The following ACER1 variants were observed in gnomAD, a reference collection of about 807,000 sequenced individuals.
ACER1 encodes the protein CTB-180A7.3.
Under a neutral mutation model 24.9 loss-of-function variants are expected in ACER1, and 28 were observed. That is an observed-to-expected ratio of 1.13 (90% CI 0.83 to 1.54). The LOEUF (loss-of-function observed/expected upper bound fraction) is 1.54, where lower values mean the gene tolerates loss of function less well. Among genes scored for constraint, ACER1 ranks in the 40% most tolerant of loss-of-function variants. The pLI is 0.00. For synonymous variants in ACER1, 132 were observed against 131.4 expected, an observed-to-expected ratio of 1.00 and a Z score of -0.03; for missense variants, 352 against 349.3, an observed-to-expected ratio of 1.01 and a Z score of -0.06.
At chr19:6,333,378 T>C in intron 1 of ACER1, 81 bp downstream of exon 1, 1 of 1,196,668 alleles carries the variant, frequency 8.4e-7, no homozygotes. Context: ...TCCAGCAAGA[T>C]TCCCCAGTAA....
chr19:6,345,064 A>T, the ACER1 span, among the ~76,000 whole-genome samples: 2 of 151,866 alleles, frequency 1.3e-5, no homozygotes, highest in Non-Finnish European at 2.9e-5. Context: ...ACGGGGTTTC[A>T]CCACGTTGGC....
rs1228594931 is a variant in ACER1 at position 6,309,819 on chromosome 19, G to A, written c.366C>T (p.Arg122=). 2 of 1,613,960 alleles carry A rather than the reference G, an allele frequency of 1.2e-6. No individual in the cohort carries two copies. Among genetic ancestry groups the A allele is most frequent in the Non-Finnish European group, 1.7e-6 (2 of 1,179,986 alleles). ...TGACCACAGTGGTGATGAAGACCAG[G>A]CGGATGAACTGGGACCTGGGGAGGA... ...FLGGNRSQFI[R]LVFITTVVST... is the part of the protein sequence containing the mutation. Residue 122 remains arginine (R), a synonymous_variant, in exon 4 of 6, where the codon CGC becomes CGT. Transcript: ENST00000301452.
the ACER1 span, among the ~76,000 whole-genome samples, chr19:6,347,109 A>ATAT: frequency 7.9e-3 from 894 of 113,702 alleles, 7 homozygotes; most frequent in Non-Finnish European, 0.01. Context: ...AAAAAAAAAA[A>ATAT]ATATATATAT....
At chr19:6,349,433 G>A in the ACER1 span, among the ~76,000 whole-genome samples, 5 of 122,678 alleles carry the variant, frequency 4.1e-5, no homozygotes, top group African/African-American at 1.6e-4. Flanking sequence ...AGGAAGGAAA[G>A]AAGGAAGGGA....
chr19:6,341,731 C>T, the ACER1 span, among the ~76,000 whole-genome samples: 5 of 152,070 alleles, frequency 3.3e-5, no homozygotes, highest in Non-Finnish European at 5.9e-5. Flanking sequence ...TGGGTTCAAG[C>T]GATTCTCCTA....
At chr19:6,324,286 T>G (rs1167116224) in intron 1 of ACER1, among the ~76,000 whole-genome samples, 2 of 151,324 alleles carry the variant, frequency 1.3e-5, no homozygotes, top group Non-Finnish European at 2.9e-5. Context: ...TCAAGTGATC[T>G]CCCTGCCTTG....
chr19:6,321,441 G>A (rs2091630359), intron 1 of ACER1, among the ~76,000 whole-genome samples: 1 of 151,850 alleles, frequency 6.6e-6, no homozygotes, highest in African/African-American at 2.4e-5. Flanking sequence ...CCATCTGGCC[G>A]AAATACATTC....
At chr19:6,311,622 G>A (rs1273912134) in intron 3 of ACER1, among the ~76,000 whole-genome samples, 1 of 148,550 alleles carries the variant, frequency 6.7e-6, no homozygotes, top group African/African-American at 2.5e-5. Flanking sequence ...GAAGGAGAAG[G>A]AGGAGGAGGA....
chr19:6,320,555 C>T (rs895705967), intron 1 of ACER1, among the ~76,000 whole-genome samples: 8 of 152,020 alleles, frequency 5.3e-5, no homozygotes, highest in Admixed American at 1.3e-4. Context: ...TCAGGTTATC[C>T]GCCTGCCTCA....
the ACER1 span, among the ~76,000 whole-genome samples, chr19:6,356,468 T>TTTAAA: frequency 4.1e-5 from 6 of 147,398 alleles, no homozygotes; most frequent in African/African-American, 1.6e-4. Flanking sequence ...GAATGATCAA[T>TTTAAA]AAAAAAATAA....
At chr19:6,337,762 G>A (rs1334290542), upstream of ACER1, among the ~76,000 whole-genome samples, 20 of 129,978 alleles carry the variant, frequency 1.5e-4, no homozygotes, top group Non-Finnish European at 2.3e-4. Context: ...TGCAAGCTCC[G>A]CCTCCTGGGT....
the ACER1 span, among the ~76,000 whole-genome samples, chr19:6,355,217 G>T: frequency 2.6e-5 from 4 of 152,016 alleles, no homozygotes; most frequent in Admixed American, 1.3e-4. Context: ...CCAAAGTGCC[G>T]AGATTGCAGC....
At chr19:6,331,996 C>T (rs1340967900) in intron 1 of ACER1, among the ~76,000 whole-genome samples, 3 of 146,964 alleles carry the variant, frequency 2.0e-5, no homozygotes, top group Admixed American at 6.8e-5. Context: ...GACGAAGTCT[C>T]GCTCTTGTCC....
At chr19:6,358,732 G>C in the ACER1 span, among the ~76,000 whole-genome samples, 63 of 151,612 alleles carry the variant, frequency 4.2e-4, 1 homozygote, top group African/African-American at 1.4e-3. Flanking sequence ...TCGCGAGTTC[G>C]AGACTAGCCT....
intron 1 of ACER1, among the ~76,000 whole-genome samples, chr19:6,326,144 AAGACG>A (rs2091660580): frequency 7.2e-6 from 1 of 139,384 alleles, no homozygotes; most frequent in Non-Finnish European, 1.5e-5. Context: ...TTTTTTTTTA[AAGACG>A]GAGTCTCGCT....
the ACER1 span, among the ~76,000 whole-genome samples, chr19:6,340,805 G>C: frequency 0.017 from 2,614 of 152,254 alleles, 69 homozygotes; most frequent in African/African-American, 0.061. Context: ...TCCCCCGCTA[G>C]GGGGAGAGAA....
upstream of ACER1, among the ~76,000 whole-genome samples, chr19:6,337,838 G>A (rs1158440782): frequency 6.6e-6 from 1 of 150,614 alleles, no homozygotes; most frequent in African/African-American, 2.4e-5. Flanking sequence ...ACCAACGCCT[G>A]GCTAATTTTT....
chr19:6,318,224 C>T (rs919044046), intron 1 of ACER1, among the ~76,000 whole-genome samples: 24 of 151,262 alleles, frequency 1.6e-4, no homozygotes, highest in Admixed American at 9.2e-4. Context: ...AATCCCAGCA[C>T]TTTGGGAGGC....
the ACER1 span, among the ~76,000 whole-genome samples, chr19:6,339,671 T>C: frequency 6.6e-6 from 1 of 152,262 alleles, no homozygotes; most frequent in African/African-American, 2.4e-5. Context: ...TTTTTGTTTT[T>C]GTTTTTTGTT....
Sources: gnomAD v4.1 joint callset for allele counts (sites outside exome capture counted in the v4.1 genomes callset) on GRCh38, gnomAD v4.1.1 for gene constraint, MANE v1.5 for transcripts, NCBI Gene and HGNC (gene_info 2026-07-23, HGNC 2026-07-21) for gene names.